Variants in KIAA1217 observed in about 807,000 individuals in gnomAD.
KIAA1217 encodes the protein sickle tail protein homolog.
A neutral mutation model predicts 163.9 loss-of-function variants in KIAA1217; 88 were observed. That is an observed-to-expected ratio of 0.54 (90% CI 0.45 to 0.64). The LOEUF (loss-of-function observed/expected upper bound fraction) is 0.64, where lower values mean the gene tolerates loss of function less well. KIAA1217 is among the 30% of genes least tolerant of loss of function. The pLI, the probability that KIAA1217 is intolerant of heterozygous loss-of-function variation, is 0.00. For missense variants in KIAA1217, 2,372 were observed against 2,475.0 expected (o/e 0.96, Z 0.88); for synonymous variants, 903 against 923.1 (o/e 0.98, Z 0.39).
At chr10:24,181,542 A>G (rs1199860083) in intron 2 of KIAA1217, among the ~76,000 whole-genome samples, 1 of 152,190 alleles carries the variant, frequency 6.6e-6, no homozygotes, top group African/African-American at 2.4e-5. Flanking sequence ...GGAGTTTGGA[A>G]CTTACCAAAT....
intron 2 of KIAA1217, among the ~76,000 whole-genome samples, chr10:24,283,404 C>T (rs450039): frequency 0.51 from 77,070 of 152,012 alleles, 20,206 homozygotes; most frequent in African/African-American, 0.59. Context: ...TGGTGGCTTA[C>T]GCCTGTAATC....
intron 1 of KIAA1217, among the ~76,000 whole-genome samples, chr10:24,216,301 G>A (rs2068808953): frequency 6.6e-6 from 1 of 152,136 alleles, no homozygotes; most frequent in Non-Finnish European, 1.5e-5. Flanking sequence ...TAGATCATAT[G>A]AGCCTGTGCA....
chr10:24,541,785 G>A (rs1302382575), intron 17 of KIAA1217, among the ~76,000 whole-genome samples: 1 of 152,180 alleles, frequency 6.6e-6, no homozygotes, highest in Non-Finnish European at 1.5e-5. Flanking sequence ...CCTAAGACAT[G>A]TATCTTCAGT....
intron 1 of KIAA1217, among the ~76,000 whole-genome samples, chr10:23,812,560 T>G (rs778503133): frequency 1.1e-4 from 17 of 152,204 alleles, no homozygotes; most frequent in Non-Finnish European, 2.2e-4. Context: ...GTTACTCATT[T>G]AAAGTGCACA....
At chr10:24,207,282 T>TCA (rs71397934), upstream of KIAA1217, among the ~76,000 whole-genome samples, 45,326 of 139,932 alleles carry the variant, frequency 0.32, 7,860 homozygotes, top group Non-Finnish European at 0.41. Flanking sequence ...TCTCTCTCTC[T>TCA]CACACACACA....
At chr10:24,297,132 C>A (rs905212485) in intron 2 of KIAA1217, among the ~76,000 whole-genome samples, 1 of 152,324 alleles carries the variant, frequency 6.6e-6, no homozygotes, top group South Asian at 2.1e-4. Context: ...TATCTCTCTA[C>A]AGCTAAAACC....
intron 1 of KIAA1217, among the ~76,000 whole-genome samples, chr10:23,901,888 T>C (rs2131246288): frequency 1.5e-5 from 2 of 137,724 alleles, no homozygotes; most frequent in East Asian, 2.1e-4. Context: ...CACTCCAGCT[T>C]AGGTGACAGA....
chr10:23,868,121 G>A (rs531093333), intron 1 of KIAA1217, among the ~76,000 whole-genome samples: 7 of 152,158 alleles, frequency 4.6e-5, no homozygotes, highest in South Asian at 2.1e-4. Flanking sequence ...GAATGCGCCC[G>A]ATCTCGTCTG....
rs928558793 is a variant in KIAA1217, at chr10:23,960,211, G to C, written c.-320-47014G>C. 3.3e-5 allele frequency among the ~76,000 whole-genome samples: 5 copies of C among 152,026 alleles called. No individual in the cohort carries two copies. The South Asian group carries it at 1.0e-3, about 32-fold the overall frequency. On this transcript the variant is annotated intron_variant, in intron 1 of 18. Transcript: ENST00000376462. Reference sequence around the variant, plus strand: ...ATTACAGGTGTAAGCCACCACGCCCGGCCAGAATTCTTTTATAGCTTCCTG... The same window carrying C: ...ATTACAGGTGTAAGCCACCACGCCCCGCCAGAATTCTTTTATAGCTTCCTG...
intron 2 of KIAA1217, among the ~76,000 whole-genome samples, chr10:24,278,371 C>T (rs938877093): frequency 2.6e-5 from 4 of 152,272 alleles, no homozygotes; most frequent in East Asian, 1.9e-4. Context: ...TACACAGACC[C>T]GGTTTTGAAT....
Position 24,473,399 on chromosome 10 carries a change from G to A in KIAA1217, c.1018G>A (p.Val340Ile). Reference sequence around the variant, plus strand: ...TTATGGGGGCACCCGCTCCATGGTTGTTCCTGGCAATGCCACCATCCCCAG... The same window carrying A: ...TTATGGGGGCACCCGCTCCATGGTTATTCCTGGCAATGCCACCATCCCCAG... ...IPYGGTRSMV[V>I]PGNATIPRDR... Residue 340 changes from valine to isoleucine, a missense_variant, in exon 6 of 21, where the codon GTT becomes ATT. By Grantham distance (29) the Val-to-Ile change is conservative. Coordinates refer to ENST00000376454, the MANE Select transcript of KIAA1217 (RefSeq NM_019590.5). The A allele has an allele frequency of 6.2e-7, 1 of 1,613,726 alleles. No individual in the cohort carries two copies. The highest frequency in any genetic ancestry group is 8.5e-7 in the Non-Finnish European group (1 of 1,179,862).
At chr10:24,309,365 C>CAT (rs2042414282) in intron 2 of KIAA1217, among the ~76,000 whole-genome samples, 2 of 151,596 alleles carry the variant, frequency 1.3e-5, no homozygotes, top group African/African-American at 4.9e-5. Flanking sequence ...CACACACACA[C>CAT]ACACACACAC....
At chr10:24,279,995 C>T (rs1411825066) in intron 2 of KIAA1217, among the ~76,000 whole-genome samples, 1 of 152,148 alleles carries the variant, frequency 6.6e-6, no homozygotes, top group Non-Finnish European at 1.5e-5. Context: ...AGAAATAACT[C>T]TCTGAAATAA....
intron 16 of KIAA1217, among the ~76,000 whole-genome samples, chr10:24,535,341 C>T (rs1002454462): frequency 7.9e-5 from 12 of 152,152 alleles, no homozygotes; most frequent in Non-Finnish European, 1.2e-4. Context: ...TCATCAGCCA[C>T]CTTCAGATTT....
At chr10:23,854,601 T>G (rs539041686) in intron 1 of KIAA1217, among the ~76,000 whole-genome samples, 21 of 152,168 alleles carry the variant, frequency 1.4e-4, no homozygotes, top group African/African-American at 2.6e-4. Flanking sequence ...TCTGTCTAAT[T>G]TTGACAGTGG....
At chr10:23,973,489 G>A (rs191099811) in intron 1 of KIAA1217, among the ~76,000 whole-genome samples, 25 of 152,312 alleles carry the variant, frequency 1.6e-4, no homozygotes, top group East Asian at 7.7e-4. Flanking sequence ...ATAGATTACC[G>A]TTCATTCCTG....
At chr10:24,023,921 C>G (rs1448906815) in intron 2 of KIAA1217, among the ~76,000 whole-genome samples, 3 of 151,434 alleles carry the variant, frequency 2.0e-5, no homozygotes, top group Non-Finnish European at 3.0e-5. Context: ...AAATTAATCT[C>G]TGTTGATGGA....
chr10:24,255,629 G>A (rs1174461173), intron 2 of KIAA1217: 3 of 433,416 alleles, frequency 6.9e-6, no homozygotes, highest in African/African-American at 4.1e-5. Flanking sequence ...GGGTTTCCCT[G>A]CCCCCCCTGG....
At chr10:24,524,803 A>T in intron 13 of KIAA1217, 39 bp downstream of exon 13, 1 of 1,491,030 alleles carries the variant, frequency 6.7e-7, no homozygotes, top group Non-Finnish European at 9.1e-7. Flanking sequence ...CCCATAAAGG[A>T]GTCTGATACA....
Sources: gnomAD v4.1 joint callset for allele counts (sites outside exome capture counted in the v4.1 genomes callset) on GRCh38, gnomAD v4.1.1 for gene constraint, MANE v1.5 for transcripts, NCBI Gene and HGNC (gene_info 2026-07-23, HGNC 2026-07-21) for gene names.